The following CMTM8 variants were observed in gnomAD, a reference collection of about 807,000 sequenced individuals.
CMTM8 encodes the protein CKLF like MARVEL transmembrane domain containing 8.
Under a neutral mutation model 18.6 loss-of-function variants are expected in CMTM8, and 12 were observed. The observed-to-expected ratio is 0.65, with a 90% confidence interval of 0.41 to 1.05. The LOEUF (loss-of-function observed/expected upper bound fraction) is 1.05. CMTM8 is among the 50% of genes least tolerant of loss of function. The probability of loss-of-function intolerance (pLI) is 0.00; values close to 1 mark genes in which losing one functional copy is unlikely to be tolerated. For synonymous variants in CMTM8, 87 were observed against 90.6 expected (o/e 0.96, Z 0.23); for missense variants, 217 against 227.2 (o/e 0.95, Z 0.29).
chr3:32,362,843 C>T (rs1192695419), intron 2 of CMTM8, among the ~76,000 whole-genome samples: 1 of 152,160 alleles, frequency 6.6e-6, no homozygotes, highest in East Asian at 1.9e-4. Flanking sequence ...CTGCCTGAAC[C>T]TACAGGCCTA....
At chr3:32,305,657 G>C (rs997060144) in intron 1 of CMTM8, among the ~76,000 whole-genome samples, 3 of 152,138 alleles carry the variant, frequency 2.0e-5, no homozygotes, top group African/African-American at 7.2e-5. Flanking sequence ...ATTTGGGCTG[G>C]GACTTACCAG....
chr3:32,320,796 GTCCTT>G (rs957369786), intron 1 of CMTM8, among the ~76,000 whole-genome samples: 2 of 152,126 alleles, frequency 1.3e-5, no homozygotes, highest in African/African-American at 4.8e-5. Flanking sequence ...GAAAACTGGT[GTCCTT>G]TCATCTTTAA....
At position 32,312,715 on chromosome 3, in the gene CMTM8, G is replaced by T. The variant is rs1423667778; in HGVS notation, c.148-44658G>T. Among the ~76,000 whole-genome samples the T allele has an allele frequency of 3.9e-5, 6 of 152,038 alleles. No homozygotes were observed. In the East Asian group the frequency reaches 1.2e-3, roughly 29 times the overall value. ...TTCAGTCCCTCTTCCCTACCCAGAG[G>T]TTGGGATGTCGGGCTGAAGGTTCTA... is the stretch of plus-strand genomic sequence containing the variant. On this transcript the variant is annotated intron_variant, in intron 1 of 3. Transcript: ENST00000307526.
rs189137645 is a variant in CMTM8 at position 32,277,557 on chromosome 3, C to T, written c.147+38438C>T. On this transcript the variant is annotated intron_variant, in intron 1 of 3. Coordinates refer to ENST00000307526, the MANE Select transcript of CMTM8 (RefSeq NM_178868.5). ...CTGGCTTATTCTCCAGGGAGTGGGACTGCATTTGAGGGTGATGAGAGTTTG... is the reference window on the plus strand; with the variant it reads ...CTGGCTTATTCTCCAGGGAGTGGGATTGCATTTGAGGGTGATGAGAGTTTG... Among the ~76,000 whole-genome samples the T allele has an allele frequency of 1.2e-3, 187 of 152,020 alleles. 1 individual carries two copies. The highest frequency in any genetic ancestry group is 7.3e-3 in the South Asian group (35 of 4,806).
chr3:32,280,846 CAAAAAAAAA>C (rs60845487), intron 1 of CMTM8, among the ~76,000 whole-genome samples: 2 of 68,166 alleles, frequency 2.9e-5, no homozygotes, highest in African/African-American at 6.2e-5. Context: ...AGAAAATAGG[CAAAAAAAAA>C]AAAAAAAAAA....
At chr3:32,329,873 C>G (rs1696237989) in intron 1 of CMTM8, among the ~76,000 whole-genome samples, 1 of 152,166 alleles carries the variant, frequency 6.6e-6, no homozygotes, top group South Asian at 2.1e-4. Flanking sequence ...ACCAAAAAAG[C>G]TGCTCAACTA....
intron 1 of CMTM8, among the ~76,000 whole-genome samples, chr3:32,296,313 G>T (rs1458149399): frequency 6.6e-6 from 1 of 152,114 alleles, no homozygotes; most frequent in African/African-American, 2.4e-5. Context: ...TGGTTTACTT[G>T]TCTGAATCTC....
chr3:32,290,009 T>TAGC (rs1223894502), intron 1 of CMTM8, among the ~76,000 whole-genome samples: 1 of 152,146 alleles, frequency 6.6e-6, no homozygotes, highest in Non-Finnish European at 1.5e-5. Flanking sequence ...TGCACACCTG[T>TAGC]AGCCCCAGCT....
intron 1 of CMTM8, among the ~76,000 whole-genome samples, chr3:32,286,060 A>G (rs1258087453): frequency 6.6e-6 from 1 of 152,198 alleles, no homozygotes; most frequent in East Asian, 1.9e-4. Context: ...GCCTTCTGCA[A>G]GCAAACACTC....
In CMTM8 at chr3:32,343,634, G is replaced by A. The variant is rs868684583; in HGVS notation, c.148-13739G>A. Among the ~76,000 whole-genome samples, 9 of 152,242 alleles carry A rather than the reference G, an allele frequency of 5.9e-5. 1 individual carries two copies. In the Middle Eastern group the frequency reaches 0.024, roughly 403 times the overall value. ...ACAGCTTATAATTAAATGTCAACTG[G>A]GGGCAGAGACCATGTCTTTTTTTCC... On this transcript the variant is annotated intron_variant, in intron 1 of 3. Coordinates refer to ENST00000307526, the MANE Select transcript of CMTM8 (RefSeq NM_178868.5).
At chr3:32,326,808 GCA>G (rs1307712058) in intron 1 of CMTM8, among the ~76,000 whole-genome samples, 1 of 152,112 alleles carries the variant, frequency 6.6e-6, no homozygotes, top group Non-Finnish European at 1.5e-5. Flanking sequence ...GAGCCACCAG[GCA>G]CAGTCAGTCT....
At chr3:32,332,441 CT>C (rs1696298406) in intron 1 of CMTM8, among the ~76,000 whole-genome samples, 1 of 151,862 alleles carries the variant, frequency 6.6e-6, no homozygotes, top group African/African-American at 2.4e-5. Context: ...GTTTTGATAC[CT>C]GGGGAGTGGC....
chr3:32,319,082 T>A (rs1370156442), intron 1 of CMTM8, among the ~76,000 whole-genome samples: 5 of 61,138 alleles, frequency 8.2e-5, no homozygotes, highest in African/African-American at 1.6e-4. Flanking sequence ...ATATTTTTTT[T>A]TTTTTTTTTT....
At chr3:32,272,533 AT>A (rs1375220261) in intron 1 of CMTM8, among the ~76,000 whole-genome samples, 6 of 152,096 alleles carry the variant, frequency 3.9e-5, no homozygotes, top group Non-Finnish European at 7.4e-5. Flanking sequence ...CATTTTAGTT[AT>A]TTATATAACT....
rs192989333 is a variant in CMTM8, at chr3:32,354,959, C to G, written c.148-2414C>G. ...AGTGTTGTTGCCACGGATGTAAACA[C>G]AAAAGCACATCTCCATTAAGCATCT... On this transcript the variant is annotated intron_variant, in intron 1 of 3. Transcript: ENST00000307526. Among the ~76,000 whole-genome samples the G allele has an allele frequency of 1.0e-3, 154 of 152,272 alleles. 3 individuals are homozygous for G. The highest frequency in any genetic ancestry group is 3.8e-4 in the Non-Finnish European group (26 of 68,020).
At chr3:32,315,337 C>T (rs1201387126) in intron 1 of CMTM8, among the ~76,000 whole-genome samples, 1 of 152,062 alleles carries the variant, frequency 6.6e-6, no homozygotes, top group Non-Finnish European at 1.5e-5. Context: ...ACCATGTTGG[C>T]CAGGCTGGTC....
rs1321836806 is a variant in CMTM8, at chr3:32,318,751, G to T, written c.148-38622G>T. 6.7e-5 allele frequency among the ~76,000 whole-genome samples: 10 copies of T among 149,974 alleles called. No homozygotes were observed. The East Asian group carries it at 1.4e-3, about 21-fold the overall frequency. The stretch of plus-strand genomic sequence containing the variant: ...CTGGCTAATTTTTTTGTATTTTTAG[G>T]AGAGACGGGGTTTCACCATGTTAGC... On this transcript the variant is annotated intron_variant, in intron 1 of 3. Transcript: ENST00000307526.
At chr3:32,256,870 T>C (rs1399136248) in intron 1 of CMTM8, among the ~76,000 whole-genome samples, 2 of 152,242 alleles carry the variant, frequency 1.3e-5, no homozygotes, top group Admixed American at 1.3e-4. Context: ...ATAATGTTTG[T>C]CAGAGGGCTA....
At chr3:32,252,804 G>A (rs1702129914) in intron 1 of CMTM8, among the ~76,000 whole-genome samples, 1 of 152,192 alleles carries the variant, frequency 6.6e-6, no homozygotes, top group Non-Finnish European at 1.5e-5. Context: ...AAGATTGCCA[G>A]TATAATGTCA....
Sources: allele counts gnomAD v4.1 joint callset (sites outside exome capture counted in the v4.1 genomes callset), GRCh38; gene constraint gnomAD v4.1.1; transcripts MANE v1.5; gene names NCBI Gene and HGNC (gene_info 2026-07-23, HGNC 2026-07-21).